Variants in AARS1 observed in about 807,000 individuals in gnomAD.
The protein encoded by AARS1 is alanyl-tRNA synthetase 1, also known as alanine--tRNA ligase, cytoplasmic.
In AARS1, 72 loss-of-function variants were observed where a neutral mutation model predicts 108.9. That is an observed-to-expected ratio of 0.66 (90% CI 0.55 to 0.80). AARS1 has a LOEUF of 0.80. Ranked by LOEUF, AARS1 falls within the 30% of genes least tolerant of loss-of-function variation. AARS1 has a pLI of 0.00. For synonymous variants in AARS1, 489 were observed against 465.7 expected (o/e 1.05, Z -0.64); for missense variants, 1,193 against 1,233.2 (o/e 0.97, Z 0.49).
rs773573053 is a variant in AARS1, at chr16:70,269,608, G to A, written c.962+10C>T. Reference sequence around the variant, plus strand: ...CGCTCCAAACACCACCCAGTGTGCAGCATACTTACCCACGCCCTGTGTTGT... The same window carrying A: ...CGCTCCAAACACCACCCAGTGTGCAACATACTTACCCACGCCCTGTGTTGT... On this transcript the variant is annotated intron_variant, in intron 7 of 20. Coordinates refer to ENST00000261772, the MANE Select transcript of AARS1 (RefSeq NM_001605.3). 1.2e-6 allele frequency: 2 copies of A among 1,613,508 alleles called. No individual in the cohort carries two copies. The highest frequency in any genetic ancestry group is 1.7e-6 in the Non-Finnish European group (2 of 1,180,028).
At chr16:70,279,879 C>G (rs1326869915) in intron 2 of AARS1, among the ~76,000 whole-genome samples, 2 of 151,870 alleles carry the variant, frequency 1.3e-5, no homozygotes, top group Admixed American at 1.3e-4. Flanking sequence ...TCACACATAA[C>G]TGAAAATATT....
rs376259020 is a variant in AARS1, at chr16:70,265,679, A to C, written c.1223-17T>G. ...CAGTGTCTCCTACACAGCACAAAGG[A>C]GGTGTGTCAAAAAAAACAGACAGCC... is the stretch of plus-strand genomic sequence containing the variant. On this transcript the variant is annotated splice_polypyrimidine_tract_variant and intron_variant, in intron 9 of 20. Coordinates refer to ENST00000261772, the MANE Select transcript of AARS1 (RefSeq NM_001605.3). The C allele has an allele frequency of 6.2e-7, 1 of 1,611,816 alleles. No homozygotes were observed. The highest frequency in any genetic ancestry group is 1.3e-5 in the African/African-American group (1 of 74,982).
chr16:70,275,261 A>G (rs1047183614), intron 4 of AARS1, among the ~76,000 whole-genome samples: 1 of 152,092 alleles, frequency 6.6e-6, no homozygotes, highest in African/African-American at 2.4e-5. Context: ...CTCTGTCTCA[A>G]AAACAAACAA....
At chr16:70,261,975 T>C (rs1314013446) in intron 12 of AARS1, among the ~76,000 whole-genome samples, 1 of 152,054 alleles carries the variant, frequency 6.6e-6, no homozygotes, top group South Asian at 2.1e-4. Flanking sequence ...AGCCGCATCT[T>C]TGAGTATCTA....
chr16:70,271,048 A>G (rs573666512), intron 5 of AARS1, among the ~76,000 whole-genome samples: 68 of 151,812 alleles, frequency 4.5e-4, no homozygotes, highest in African/African-American at 1.6e-3. Context: ...GCTACTCAGG[A>G]GGCTGAGGCA....
rs1177488599 is a variant in AARS1, at chr16:70,282,660, T to A, written c.104A>T (p.Asp35Val). 4 of 1,614,058 alleles carry A rather than the reference T, an allele frequency of 2.5e-6. No individual in the cohort carries two copies. Among genetic ancestry groups the A allele is most frequent in the Admixed American group, 3.3e-5 (2 of 59,970 alleles). ...YVHSSATIPL[D>V]DPTLLFANAG... is the part of the protein sequence containing the mutation. ...ATTGGCAAAGAGCAAAGTGGGGTCATCCAATGGGATGGTGGCAGACGAGTG... is the reference window on the plus strand; with the variant it reads ...ATTGGCAAAGAGCAAAGTGGGGTCAACCAATGGGATGGTGGCAGACGAGTG... Residue 35 changes from aspartate (D) to valine (V), a missense_variant, in exon 2 of 21, where the codon GAT becomes GTT. Physicochemically the swap from Asp to Val is radical, Grantham distance 152. Coordinates refer to ENST00000261772, the MANE Select transcript of AARS1 (RefSeq NM_001605.3).
intron 10 of AARS1, chr16:70,265,337 A>C: frequency 1.0e-6 from 1 of 966,626 alleles, no homozygotes; most frequent in Non-Finnish European, 1.6e-6. Context: ...ATCTGCCCCT[A>C]GTTGTGAAAA....
chr16:70,272,924 A>ACAC (rs1567608986), intron 4 of AARS1, among the ~76,000 whole-genome samples: 1 of 150,898 alleles, frequency 6.6e-6, no homozygotes, highest in Admixed American at 6.6e-5. Context: ...ACACACACAC[A>ACAC]AAAGATTGTG....
At chr16:70,254,471 C>T (rs748069544) in intron 17 of AARS1, 150 bp downstream of exon 17, 1 of 683,884 alleles carries the variant, frequency 1.5e-6, no homozygotes, top group South Asian at 1.6e-5. Flanking sequence ...TCCATGGGGT[C>T]CCTGCTACAA....
chr16:70,287,083 C>G (rs1490959430), intron 1 of AARS1, among the ~76,000 whole-genome samples: 1 of 151,670 alleles, frequency 6.6e-6, no homozygotes, highest in Non-Finnish European at 1.5e-5. Context: ...AACCCCGTCT[C>G]TACTAAAAAT....
chr16:70,262,353 C>A lies in AARS1; in HGVS notation c.1664G>T (p.Ser555Ile), dbSNP rs144982168. Residue 555 changes from serine (S) to isoleucine (I), a missense_variant, in exon 12 of 21, where the codon AGT (serine) becomes ATT (isoleucine). Transcript: ENST00000261772. ...EGYLVKVDDSSEDKTEFTVKN... is the reference protein window; with the variant it reads ...EGYLVKVDDSIEDKTEFTVKN... ...GAAGAACTGTTGGCTCACATCTTCACTGCTGTCATCCACCTTCACCAGGTA... is the reference window on the plus strand; with the variant it reads ...GAAGAACTGTTGGCTCACATCTTCAATGCTGTCATCCACCTTCACCAGGTA... 63 of 1,614,224 alleles carry A rather than the reference C, an allele frequency of 3.9e-5. No homozygotes were observed. In the Middle Eastern group the frequency reaches 1.5e-3, roughly 38 times the overall value.
intron 13 of AARS1, among the ~76,000 whole-genome samples, chr16:70,260,177 T>C (rs1460460108): frequency 2.0e-5 from 3 of 152,214 alleles, no homozygotes; most frequent in African/African-American, 7.2e-5. Context: ...CAGGAACATG[T>C]GGTCAGCAAA....
chr16:70,253,010 G>A (rs1959880118), intron 20 of AARS1, 104 bp from the exon 21 acceptor site: 1 of 1,303,156 alleles, frequency 7.7e-7, no homozygotes, highest in East Asian at 2.4e-5. Flanking sequence ...CCTTGCCCTG[G>A]GTGATACTGC....
rs1429174673 is a variant in AARS1 at position 70,289,464 on chromosome 16, C to A, written c.-65G>T. 1.7e-5 allele frequency: 7 copies of A among 422,922 alleles called. No homozygotes were observed. Among genetic ancestry groups the A allele is most frequent in the East Asian group, 7.0e-5 (1 of 14,206 alleles). 26.2% of individuals were successfully genotyped at this position (422,922 alleles called of 1,614,324 possible). ...CCCCAGCTCCTCCCTCAGAGTCCCC[C>A]GCCAAGGGCCCGCTGCACCTATTCC... On this transcript the variant is annotated 5_prime_UTR_variant, in exon 1 of 21. Coordinates refer to ENST00000261772, the MANE Select transcript of AARS1 (RefSeq NM_001605.3).
chr16:70,275,670 G>A (rs1043089941), intron 4 of AARS1, among the ~76,000 whole-genome samples: 6 of 151,940 alleles, frequency 3.9e-5, no homozygotes, highest in African/African-American at 1.2e-4. Flanking sequence ...GGCTGAGGCA[G>A]GAGAATGGCG....
At chr16:70,258,404 T>G (rs1960046622) in intron 14 of AARS1, among the ~76,000 whole-genome samples, 187 bp from the exon 15 acceptor site, 1 of 152,210 alleles carries the variant, frequency 6.6e-6, no homozygotes, top group Non-Finnish European at 1.5e-5. Context: ...AATTTCCAAC[T>G]ATTTTGTTAA....
rs1488365503 is a variant in AARS1, at chr16:70,271,774, A to G, written c.671+7T>C. 1 of 1,614,000 alleles carries G rather than the reference A, an allele frequency of 6.2e-7. No homozygotes were observed. The highest frequency in any genetic ancestry group is 8.5e-7 in the Non-Finnish European group (1 of 1,179,936). ...AGGAAAGGAATGGAGTAGGAACCCA[A>G]GGCTACCTGTTATACTGGATGAACA... On this transcript the variant is annotated splice_region_variant and intron_variant, in intron 5 of 20. Transcript: ENST00000261772.
chr16:70,274,767 T>A (rs964611417), intron 4 of AARS1, among the ~76,000 whole-genome samples: 8 of 151,652 alleles, frequency 5.3e-5, no homozygotes, highest in Non-Finnish European at 1.2e-4. Context: ...AAGGAAAAGA[T>A]ACACACATAC....
In AARS1 at chr16:70,270,203, A is replaced by G. The variant is rs1013034282; in HGVS notation, c.809T>C (p.Ile270Thr). The G allele has an allele frequency of 6.2e-7, 1 of 1,614,158 alleles. No homozygotes were observed. Among genetic ancestry groups the G allele is most frequent in the Non-Finnish European group, 8.5e-7 (1 of 1,180,024 alleles). ...TTGCAATAGCACCAGTACCTTCTGA[A>G]TGGCTTCAAAGTAAGGGACAAAAAG... ...TDLFVPYFEA[I>T]QKGTGARPYT... Residue 270 changes from isoleucine (I) to threonine (T), a missense_variant, in exon 6 of 21, where the codon ATT becomes ACT. Physicochemically the swap from Ile to Thr is moderately conservative, Grantham distance 89. Coordinates refer to ENST00000261772, the MANE Select transcript of AARS1 (RefSeq NM_001605.3).
Sources: allele counts gnomAD v4.1 joint callset (sites outside exome capture counted in the v4.1 genomes callset), GRCh38; gene constraint gnomAD v4.1.1; transcripts MANE v1.5; gene names NCBI Gene and HGNC (gene_info 2026-07-23, HGNC 2026-07-21).